Variants in CCDC3 observed in about 807,000 individuals in gnomAD.
The protein encoded by CCDC3 is coiled-coil domain-containing protein 3.
A neutral mutation model predicts 21.4 loss-of-function variants in CCDC3; 24 were observed. The ratio of observed to expected loss-of-function variants is 1.12; its 90% CI spans 0.81 to 1.58. The LOEUF is 1.58. Ranked by LOEUF, CCDC3 falls within the 40% of genes most tolerant of loss-of-function variation. CCDC3 has a pLI of 0.00. For missense variants in CCDC3, 425 were observed against 360.9 expected (o/e 1.18, Z -1.44); for synonymous variants, 186 against 166.0 (o/e 1.12, Z -0.93).
intron 5 of CCDC3, among the ~76,000 whole-genome samples, chr10:13,044,152 G>C (rs1836495646): frequency 6.6e-6 from 1 of 152,156 alleles, no homozygotes; most frequent in Non-Finnish European, 1.5e-5. Flanking sequence ...CATTTGTACA[G>C]CTTCTTTTGA....
intron 4 of CCDC3, among the ~76,000 whole-genome samples, chr10:13,073,548 C>CAGTGGTACGATCA (rs569910668): frequency 6.6e-6 from 1 of 151,584 alleles, no homozygotes; most frequent in Non-Finnish European, 1.5e-5. Context: ...GTCACCCAGG[C>CAGTGGTACGATCA]TGGCTCACTG....
chr10:13,036,002 G>C (rs898077646), intron 5 of CCDC3, among the ~76,000 whole-genome samples: 1 of 152,176 alleles, frequency 6.6e-6, no homozygotes, highest in Non-Finnish European at 1.5e-5. Flanking sequence ...AAATTAGCCA[G>C]GTGTGGTGAT....
At chr10:13,065,637 T>C (rs1182480361) in intron 4 of CCDC3, among the ~76,000 whole-genome samples, 1 of 152,202 alleles carries the variant, frequency 6.6e-6, no homozygotes, top group Admixed American at 6.5e-5. Context: ...TCCTCAACAG[T>C]CAGGGCCCAG....
chr10:12,959,749 G>A (rs1348157723), intron 2 of CCDC3, among the ~76,000 whole-genome samples: 1 of 152,128 alleles, frequency 6.6e-6, no homozygotes, highest in Non-Finnish European at 1.5e-5. Context: ...GGATCTCATG[G>A]CTGGTCAAAG....
intron 2 of CCDC3, among the ~76,000 whole-genome samples, chr10:12,986,728 G>C (rs1461396178): frequency 4.6e-5 from 7 of 151,088 alleles, no homozygotes; most frequent in East Asian, 2.0e-4. Context: ...AGCCGAGATC[G>C]TGCCACTGCA....
rs551651250 is a variant in CCDC3, at chr10:13,010,233, GCAAGACTCCATTT to G, written c.-1-11734_-1-11722del. Among the ~76,000 whole-genome samples, 584 of 152,158 alleles carry G rather than the reference GCAAGACTCCATTT, an allele frequency of 3.8e-3. 3 individuals are homozygous for G. Among genetic ancestry groups the G allele is most frequent in the African/African-American group, 0.014 (564 of 41,516 alleles). The stretch of plus-strand genomic sequence containing the variant: ...ACTGCACTCCAGCCTGGGTGACAGA[GCAAGACTCCATTT>G]CAAAAAAACAAAAAAACAAAAAACA... On this transcript the variant is annotated intron_variant, in intron 5 of 6. Transcript: ENST00000378839.
chr10:13,064,045 A>G (rs975626786), intron 4 of CCDC3, among the ~76,000 whole-genome samples: 2 of 152,224 alleles, frequency 1.3e-5, no homozygotes, highest in East Asian at 3.9e-4. Flanking sequence ...CTCCTGCCTC[A>G]GCCTCCCAAG....
chr10:13,022,942 T>C (rs1589042945), intron 5 of CCDC3, among the ~76,000 whole-genome samples: 1 of 152,104 alleles, frequency 6.6e-6, no homozygotes, highest in Admixed American at 6.5e-5. Context: ...ATAGCACAAG[T>C]TGACCAGTTT....
At chr10:12,960,383 C>T (rs566718393) in intron 2 of CCDC3, among the ~76,000 whole-genome samples, 5 of 152,136 alleles carry the variant, frequency 3.3e-5, no homozygotes, top group African/African-American at 1.2e-4. Flanking sequence ...CAGAGAAAGA[C>T]GGAGGCGGGA....
chr10:12,935,062 CT>C (rs374416181), intron 2 of CCDC3, among the ~76,000 whole-genome samples: 47 of 145,820 alleles, frequency 3.2e-4, no homozygotes, highest in Admixed American at 4.1e-4. Flanking sequence ...CCAAACCTGG[CT>C]TTTTTTTTTT....
At chr10:13,006,184 A>T (rs1835922507), upstream of CCDC3, among the ~76,000 whole-genome samples, 1 of 152,248 alleles carries the variant, frequency 6.6e-6, no homozygotes, top group African/African-American at 2.4e-5. Context: ...TGTGATAGAG[A>T]GCAGGAGAAT....
chr10:12,994,800 G>T (rs1020955974), intron 2 of CCDC3, among the ~76,000 whole-genome samples: 3 of 152,026 alleles, frequency 2.0e-5, no homozygotes, highest in Non-Finnish European at 2.9e-5. Context: ...CAGCAAGTAG[G>T]CCAGGCACGG....
intron 2 of CCDC3, among the ~76,000 whole-genome samples, chr10:12,980,416 A>T (rs1403911755): frequency 6.6e-6 from 1 of 152,206 alleles, no homozygotes; most frequent in African/African-American, 2.4e-5. Flanking sequence ...AACCACAGCC[A>T]TCAGTCCCCA....
intron 5 of CCDC3, among the ~76,000 whole-genome samples, chr10:13,032,398 A>G (rs1836316953): frequency 6.6e-6 from 1 of 152,214 alleles, no homozygotes; most frequent in Non-Finnish European, 1.5e-5. Context: ...TGAATGGGCA[A>G]AAACTGGAAG....
intron 5 of CCDC3, among the ~76,000 whole-genome samples, chr10:13,033,483 T>A (rs907830505): frequency 1.3e-5 from 2 of 151,932 alleles, no homozygotes; most frequent in East Asian, 1.9e-4. Flanking sequence ...AAGACAAAAT[T>A]GACAAATGGG....
intron 2 of CCDC3, among the ~76,000 whole-genome samples, chr10:12,994,268 G>A (rs1835723008): frequency 6.6e-6 from 1 of 151,836 alleles, no homozygotes; most frequent in African/African-American, 2.4e-5. Context: ...CATGGTGGTG[G>A]GTGCCTGTAA....
chr10:12,988,431 C>T (rs1330461579), intron 2 of CCDC3, among the ~76,000 whole-genome samples: 1 of 152,110 alleles, frequency 6.6e-6, no homozygotes, highest in Non-Finnish European at 1.5e-5. Context: ...ACTGCAATCT[C>T]GGCCTCCAAG....
chr10:13,009,080 G>C (rs1218789054), intron 5 of CCDC3, among the ~76,000 whole-genome samples: 1 of 151,928 alleles, frequency 6.6e-6, no homozygotes, highest in African/African-American at 2.4e-5. Flanking sequence ...TTTAATAAGT[G>C]GAATACAAGA....
At position 13,001,487 on chromosome 10, in the gene CCDC3, C is replaced by G; in HGVS notation, c.84G>C (p.Trp28Cys). 1 of 1,370,578 alleles carries G rather than the reference C, an allele frequency of 7.3e-7. No individual in the cohort carries two copies. 84.9% of individuals were successfully genotyped at this position (1,370,578 alleles called of 1,614,324 possible). A position where few individuals can be genotyped will look rare whatever the true frequency, so the allele number is the denominator to read the frequency against. Residue 28 changes from tryptophan (W) to cysteine (C), a missense_variant, in exon 1 of 3, where the codon TGG becomes TGC. Coordinates refer to ENST00000378825, the MANE Select transcript of CCDC3 (RefSeq NM_031455.4). ...CGCGGCAGCCCTCGCTCAGGGGCCT[C>G]CACTCGGAGGGCAGCTGGCAGGCGC... ...PARACQLPSE[W>C]RPLSEGCRAE...
Sources: allele counts gnomAD v4.1 joint callset (sites outside exome capture counted in the v4.1 genomes callset), GRCh38; gene constraint gnomAD v4.1.1; transcripts MANE v1.5; gene names NCBI Gene and HGNC (gene_info 2026-07-23, HGNC 2026-07-21).